The following CSMD1 variants were observed in gnomAD, a reference collection of about 807,000 sequenced individuals.
The protein encoded by CSMD1 is CUB and sushi domain-containing protein 1.
CSMD1 carries 213 observed loss-of-function variants against 417.5 expected under a neutral mutation model. The ratio of observed to expected loss-of-function variants is 0.51; its 90% CI spans 0.46 to 0.57. The LOEUF (loss-of-function observed/expected upper bound fraction) is 0.57. CSMD1 is among the 20% of genes least tolerant of loss of function. CSMD1 has a pLI of 0.00. For synonymous variants in CSMD1, 2,862 were observed against 1,736.8 expected, an observed-to-expected ratio of 1.65 and a Z score of -16.11; for missense variants, 6,923 against 4,529.7, an observed-to-expected ratio of 1.53 and a Z score of -15.17.
At chr8:4,671,944 G>C (rs1247008360) in intron 1 of CSMD1, among the ~76,000 whole-genome samples, 2 of 152,160 alleles carry the variant, frequency 1.3e-5, no homozygotes, top group Admixed American at 6.5e-5. Flanking sequence ...TCTCAGTAGG[G>C]AGCAGCACCT....
intron 20 of CSMD1, among the ~76,000 whole-genome samples, chr8:3,363,739 T>A (rs1809358129): frequency 6.6e-6 from 1 of 152,168 alleles, no homozygotes; most frequent in Admixed American, 6.5e-5. Context: ...GGTCCAACTT[T>A]TAACCTTTTG....
intron 5 of CSMD1, among the ~76,000 whole-genome samples, chr8:3,876,824 G>C (rs1231884598): frequency 6.6e-6 from 1 of 152,156 alleles, no homozygotes. Context: ...GTTGCCCAAG[G>C]TGGTCTTGAA....
At chr8:3,050,897 C>T (rs1179302592) in intron 50 of CSMD1, among the ~76,000 whole-genome samples, 2 of 152,148 alleles carry the variant, frequency 1.3e-5, no homozygotes, top group Non-Finnish European at 2.9e-5. Context: ...GTGAATCCTT[C>T]TGCTAGTATC....
chr8:3,931,182 C>G (rs902458657), intron 5 of CSMD1, among the ~76,000 whole-genome samples: 1 of 150,656 alleles, frequency 6.6e-6, no homozygotes, highest in South Asian at 2.1e-4. Context: ...GCATCTTCCC[C>G]TCATATCCAT....
rs138084994 is a variant in CSMD1 at position 3,025,600 on chromosome 8, T to C, written c.7855+3719A>G. Among the ~76,000 whole-genome samples, 130 of 152,356 alleles carry C rather than the reference T, an allele frequency of 8.5e-4. 2 individuals are homozygous for C. In the East Asian group the frequency reaches 0.023, roughly 27 times the overall value. ...GGTCAACAAGCATCTCCCTTTCCAATGACTACACTACCAACCATCAATATA... is the reference window on the plus strand; with the variant it reads ...GGTCAACAAGCATCTCCCTTTCCAACGACTACACTACCAACCATCAATATA... On this transcript the variant is annotated intron_variant, in intron 51 of 69. Transcript: ENST00000635120.
chr8:4,024,062 A>T (rs191834258), intron 4 of CSMD1, among the ~76,000 whole-genome samples: 19 of 152,276 alleles, frequency 1.2e-4, no homozygotes, highest in Admixed American at 5.9e-4. Flanking sequence ...AACAGGAGAG[A>T]AAATATACTA....
chr8:4,028,940 T>C (rs1387078733), intron 4 of CSMD1, among the ~76,000 whole-genome samples: 1 of 152,216 alleles, frequency 6.6e-6, no homozygotes, highest in Non-Finnish European at 1.5e-5. Context: ...TAAAATAGTA[T>C]TTTTGGAAAA....
At chr8:3,583,975 T>C (rs1800491904) in intron 9 of CSMD1, among the ~76,000 whole-genome samples, 2 of 151,960 alleles carry the variant, frequency 1.3e-5, no homozygotes, top group African/African-American at 4.8e-5. Context: ...TGTGAGAGCA[T>C]GGCCTTTGTC....
chr8:4,009,223 G>C (rs1383351441), intron 4 of CSMD1, among the ~76,000 whole-genome samples: 2 of 152,124 alleles, frequency 1.3e-5, no homozygotes, highest in Non-Finnish European at 2.9e-5. Context: ...GTGCAAATCA[G>C]AATGAACTGA....
intron 25 of CSMD1, among the ~76,000 whole-genome samples, chr8:3,306,781 T>A (rs1010122991): frequency 6.6e-6 from 1 of 152,246 alleles, no homozygotes; most frequent in Non-Finnish European, 1.5e-5. Flanking sequence ...TTTTGCCTTA[T>A]GTGCTATGGT....
rs140345502 is a variant in CSMD1 at position 3,064,551 on chromosome 8, G to C, written c.7475-11904C>G. 1.9e-3 allele frequency among the ~76,000 whole-genome samples: 285 copies of C among 152,274 alleles called. 5 individuals carry two copies. The highest frequency in any genetic ancestry group is 6.4e-3 in the African/African-American group (267 of 41,558). The stretch of plus-strand genomic sequence containing the variant: ...CAGTCTCAGGTAGTTATTTCTAGTA[G>C]TGTGAGAATGGATTAATACAATTAA... On this transcript the variant is annotated intron_variant, in intron 49 of 69. Coordinates refer to ENST00000635120, the MANE Select transcript of CSMD1 (RefSeq NM_033225.6).
intron 3 of CSMD1, among the ~76,000 whole-genome samples, chr8:4,416,487 A>G (rs1230275061): frequency 6.6e-6 from 1 of 152,132 alleles, no homozygotes; most frequent in East Asian, 1.9e-4. Context: ...ATTGATATTT[A>G]GACTTTAGAA....
intron 5 of CSMD1, among the ~76,000 whole-genome samples, chr8:3,773,736 C>G (rs1221445766): frequency 6.6e-6 from 1 of 152,182 alleles, no homozygotes; most frequent in African/African-American, 2.4e-5. Context: ...GGAGGGCAAG[C>G]ATGATGGGCG....
rs549157107 is a variant in CSMD1, at chr8:4,443,685, C to T, written c.303-23620G>A. On this transcript the variant is annotated intron_variant, in intron 2 of 69. Coordinates refer to ENST00000635120, the MANE Select transcript of CSMD1 (RefSeq NM_033225.6). ...GAAATAGCATTTATACCATTCAATCCTGCAATTCCCAACAAAATTCTAGCA... is the reference window on the plus strand; with the variant it reads ...GAAATAGCATTTATACCATTCAATCTTGCAATTCCCAACAAAATTCTAGCA... Among the ~76,000 whole-genome samples the T allele has an allele frequency of 4.6e-5, 7 of 152,302 alleles. No homozygotes were observed. In the East Asian group the frequency reaches 5.8e-4, roughly 13 times the overall value.
intron 1 of CSMD1, among the ~76,000 whole-genome samples, chr8:4,750,432 G>T (rs1811240275): frequency 6.6e-6 from 1 of 152,130 alleles, no homozygotes; most frequent in African/African-American, 2.4e-5. Context: ...CAATTAAATG[G>T]TTTAGAAAAC....
chr8:4,967,277 T>C (rs1035240827), intron 1 of CSMD1, among the ~76,000 whole-genome samples: 3 of 152,212 alleles, frequency 2.0e-5, no homozygotes, highest in Admixed American at 2.0e-4. Flanking sequence ...AATTATTCTC[T>C]TGTCTGTAGC....
intron 61 of CSMD1, 140 bp downstream of exon 61, chr8:2,962,326 A>G (rs2128926121): frequency 1.4e-6 from 1 of 690,872 alleles, no homozygotes; most frequent in South Asian, 2.1e-5. Flanking sequence ...AATCCTACTC[A>G]GTGCAAAAAT....
chr8:4,010,895 G>C (rs183440200), intron 4 of CSMD1, among the ~76,000 whole-genome samples: 1 of 152,074 alleles, frequency 6.6e-6, no homozygotes, highest in African/African-American at 2.4e-5. Flanking sequence ...AAAACATACT[G>C]AAAGGTCTAA....
In CSMD1 at chr8:3,683,298, A is replaced by G. The variant is rs376694793; in HGVS notation, c.1009+25116T>C. On this transcript the variant is annotated intron_variant, in intron 7 of 69. Coordinates refer to ENST00000635120, the MANE Select transcript of CSMD1 (RefSeq NM_033225.6). ...AATAGCCTGTGGACCCAGAATATGG[A>G]TGGATCAGTCAAGGCAAAGTTCTTT... Among the ~76,000 whole-genome samples the G allele has an allele frequency of 2.6e-4, 39 of 152,240 alleles. 1 individual carries two copies. In the East Asian group the frequency reaches 3.3e-3, roughly 13 times the overall value.
Sources: allele counts gnomAD v4.1 joint callset (sites outside exome capture counted in the v4.1 genomes callset), GRCh38; gene constraint gnomAD v4.1.1; transcripts MANE v1.5; gene names NCBI Gene and HGNC (gene_info 2026-07-23, HGNC 2026-07-21).